The following LEPR variants were observed in gnomAD, a reference collection of about 807,000 sequenced individuals.
LEPR encodes leptin receptor.
LEPR carries 56 observed loss-of-function variants against 114.7 expected under a neutral mutation model. The observed-to-expected ratio is 0.49, with a 90% confidence interval of 0.39 to 0.61. LEPR has a LOEUF of 0.61. Ranked by LOEUF, LEPR falls within the 20% of genes least tolerant of loss-of-function variation. LEPR has a pLI of 0.00. For missense variants in LEPR, 1,202 were observed against 1,352.9 expected, an observed-to-expected ratio of 0.89 and a Z score of 1.75; for synonymous variants, 443 against 461.4, an observed-to-expected ratio of 0.96 and a Z score of 0.51.
intron 2 of LEPR, among the ~76,000 whole-genome samples, chr1:65,471,396 A>G (rs1167702222): frequency 6.6e-6 from 1 of 152,234 alleles, no homozygotes; most frequent in African/African-American, 2.4e-5. Context: ...GCTATTGGTT[A>G]AATACACCCA....
intron 2 of LEPR, among the ~76,000 whole-genome samples, chr1:65,454,474 C>G (rs1373592691): frequency 6.6e-6 from 1 of 151,794 alleles, no homozygotes; most frequent in Non-Finnish European, 1.5e-5. Context: ...TTAGGGCAGG[C>G]CTGGTGGTGA....
intron 5 of LEPR, 136 bp from the exon 6 acceptor site, chr1:65,592,521 G>GTTT (rs35783270): frequency 3.3e-4 from 234 of 706,238 alleles, no homozygotes; most frequent in South Asian, 1.2e-3. Flanking sequence ...CTAATGTAGG[G>GTTT]TTTTTTTTTT....
At chr1:65,569,721 A>G (rs1055941479) in intron 3 of LEPR, among the ~76,000 whole-genome samples, 2 of 151,434 alleles carry the variant, frequency 1.3e-5, no homozygotes, top group East Asian at 1.9e-4. Flanking sequence ...AAAAAAAAAA[A>G]AAAAAAAAAA....
chr1:65,604,689 G>C (rs921694060), intron 10 of LEPR, among the ~76,000 whole-genome samples: 1 of 152,194 alleles, frequency 6.6e-6, no homozygotes, highest in South Asian at 2.1e-4. Context: ...GGCCTCTTAG[G>C]AACCCGGCCA....
intron 1 of LEPR, among the ~76,000 whole-genome samples, chr1:65,423,022 T>C (rs1338461188): frequency 1.3e-5 from 2 of 152,206 alleles, no homozygotes; most frequent in East Asian, 1.9e-4. Flanking sequence ...CACCTTGACC[T>C]ACTGATTCAT....
At chr1:65,518,873 TTTTCTTTCTTTC>T (rs55672943) in intron 2 of LEPR, among the ~76,000 whole-genome samples, 129 of 117,322 alleles carry the variant, frequency 1.1e-3, no homozygotes, top group East Asian at 1.8e-3. Context: ...CTTTCTTTCT[TTTTCTTTCTTTC>T]TTTCTTTCTT....
At chr1:65,450,859 TC>T (rs1390159516) in intron 2 of LEPR, among the ~76,000 whole-genome samples, 2 of 151,750 alleles carry the variant, frequency 1.3e-5, no homozygotes, top group East Asian at 3.9e-4. Context: ...CACACTGACT[TC>T]CACAATGGTT....
In LEPR at chr1:65,520,450, A is replaced by G. The variant is rs77445006; in HGVS notation, c.-20-45096A>G. 3.7e-3 allele frequency among the ~76,000 whole-genome samples: 569 copies of G among 152,312 alleles called. 14 individuals are homozygous for G. The highest frequency in any genetic ancestry group is 0.031 in the East Asian group (162 of 5,186). ...CAAAAGACATCACTCTATTGATCAC[A>G]TTCTGTTTTTAGTAGTGATATTTCC... On this transcript the variant is annotated intron_variant, in intron 2 of 19. Transcript: ENST00000349533.
At chr1:65,430,850 A>C (rs996148711) in intron 2 of LEPR, among the ~76,000 whole-genome samples, 1 of 152,226 alleles carries the variant, frequency 6.6e-6, no homozygotes, top group Admixed American at 6.5e-5. Flanking sequence ...TCAGAATGCC[A>C]TAGGGGCACC....
chr1:65,620,064 G>A, intron 17 of LEPR, 41 bp downstream of exon 17: 1 of 1,463,578 alleles, frequency 6.8e-7, no homozygotes. Flanking sequence ...ACCAATGTGT[G>A]TGCCTAATTT....
chr1:65,477,211 T>C (rs1345985282), intron 2 of LEPR, among the ~76,000 whole-genome samples: 2 of 152,210 alleles, frequency 1.3e-5, no homozygotes, highest in African/African-American at 4.8e-5. Flanking sequence ...AAAGAATTTC[T>C]TACCTTCTAT....
intron 2 of LEPR, among the ~76,000 whole-genome samples, chr1:65,548,564 G>C (rs1651982229): frequency 6.6e-6 from 1 of 152,060 alleles, no homozygotes; most frequent in Non-Finnish European, 1.5e-5. Flanking sequence ...ATTATGTAAT[G>C]GCCTTCTTTG....
At chr1:65,549,313 CT>C (rs1652077630) in intron 2 of LEPR, among the ~76,000 whole-genome samples, 1 of 150,448 alleles carries the variant, frequency 6.6e-6, no homozygotes, top group African/African-American at 2.4e-5. Context: ...CGAGGAGTAT[CT>C]TTGTGGCGTT....
At chr1:65,566,195 T>C (rs897740036) in intron 3 of LEPR, among the ~76,000 whole-genome samples, 2 of 149,516 alleles carry the variant, frequency 1.3e-5, no homozygotes, top group African/African-American at 4.9e-5. Context: ...TTTCTGTAGA[T>C]TAATTCTTTT....
chr1:65,550,528 C>T (rs898149416), intron 2 of LEPR, among the ~76,000 whole-genome samples: 11 of 152,204 alleles, frequency 7.2e-5, no homozygotes, highest in African/African-American at 2.2e-4. Flanking sequence ...TGGCGGGTGC[C>T]CCTGCCCCAG....
chr1:65,518,661 GA>G lies in LEPR; in HGVS notation c.-20-46881del, dbSNP rs1165117346. Among the ~76,000 whole-genome samples the G allele has an allele frequency of 3.3e-5, 5 of 152,242 alleles. No individual in the cohort carries two copies. In the East Asian group the frequency reaches 7.7e-4, roughly 24 times the overall value. On this transcript the variant is annotated intron_variant, in intron 2 of 19. Coordinates refer to ENST00000349533, the MANE Select transcript of LEPR (RefSeq NM_002303.6). ...CCAAAATGTGCCTTCAACACTGCTTGAAAATCTCCTCAGCTATATGCCCAAC... is the reference window on the plus strand; with the variant it reads ...CCAAAATGTGCCTTCAACACTGCTTGAAATCTCCTCAGCTATATGCCCAAC...
chr1:65,577,806 A>G (rs1570737424), intron 5 of LEPR: 1 of 150,120 alleles, frequency 6.7e-6, no homozygotes, highest in African/African-American at 2.5e-5. Flanking sequence ...CCCCTTGAGC[A>G]CATTCTTTTT....
intron 2 of LEPR, among the ~76,000 whole-genome samples, chr1:65,460,639 G>A (rs1285896162): frequency 6.6e-6 from 1 of 152,070 alleles, no homozygotes; most frequent in Admixed American, 6.5e-5. Flanking sequence ...AATCCTGGCA[G>A]TTTGGGAGGC....
At chr1:65,630,620 T>C (rs1658477804) in intron 19 of LEPR, among the ~76,000 whole-genome samples, 2 of 152,040 alleles carry the variant, frequency 1.3e-5, no homozygotes, top group South Asian at 2.1e-4. Context: ...CTAGAATCTG[T>C]ATGTTGGATG....
Sources: allele counts gnomAD v4.1 joint callset (sites outside exome capture counted in the v4.1 genomes callset), GRCh38; gene constraint gnomAD v4.1.1; transcripts MANE v1.5; gene names NCBI Gene and HGNC (gene_info 2026-07-23, HGNC 2026-07-21).